PPIL4: variants seen among roughly 807,000 people sequenced by gnomAD.
The protein encoded by PPIL4 is peptidyl-prolyl cis-trans isomerase-like 4.
In PPIL4, 50 loss-of-function variants were observed where a neutral mutation model predicts 69.1. The observed-to-expected ratio is 0.72, with a 90% confidence interval of 0.58 to 0.92. The LOEUF is 0.92. PPIL4 is among the 40% of genes least tolerant of loss of function. PPIL4 has a pLI of 0.00. For synonymous variants in PPIL4, 193 were observed against 191.6 expected, an observed-to-expected ratio of 1.01 and a Z score of -0.06; for missense variants, 480 against 587.9, an observed-to-expected ratio of 0.82 and a Z score of 1.90.
Position 149,546,009 on chromosome 6 carries a change from G to C in PPIL4, c.-4C>G. 1 of 1,573,508 alleles carries C rather than the reference G, an allele frequency of 6.4e-7. No homozygotes were observed. Among genetic ancestry groups the C allele is most frequent in the Non-Finnish European group, 8.6e-7 (1 of 1,157,338 alleles). On this transcript the variant is annotated 5_prime_UTR_variant, in exon 1 of 13. Transcript: ENST00000253329. ...TGGTCTCCAGTAGAACCGCCATGGC[G>C]CCCGCTCCTCCTCCGCTACAAACCC...
At chr6:149,511,321 A>G (rs1188315330) in intron 12 of PPIL4, among the ~76,000 whole-genome samples, 2 of 151,574 alleles carry the variant, frequency 1.3e-5, no homozygotes, top group East Asian at 1.9e-4. Flanking sequence ...TGCAGCCTCT[A>G]CCTCCTGGGC....
At chr6:149,535,279 C>A (rs2115038209) in intron 5 of PPIL4, among the ~76,000 whole-genome samples, 1 of 152,232 alleles carries the variant, frequency 6.6e-6, no homozygotes, top group East Asian at 1.9e-4. Context: ...TGGTGTGAAC[C>A]CGGGAGACAG....
Position 149,512,003 on chromosome 6 carries a change from C to A in PPIL4, c.1227+152G>T, listed in dbSNP as rs1419241837. 5 of 530,078 alleles carry A rather than the reference C, an allele frequency of 9.4e-6. No homozygotes were observed. The Admixed American group carries it at 9.8e-5, about 10-fold the overall frequency. The allele number at this position is 530,078 out of a possible 1,614,324, so 32.8% of individuals were successfully genotyped here. On this transcript the variant is annotated intron_variant, in intron 12 of 12. Coordinates refer to ENST00000253329, the MANE Select transcript of PPIL4 (RefSeq NM_139126.4). ...GATAAATATTTTTGAAAATTAAAATCCCATACCCCAGTGCAACCATTCTGC... is the reference window on the plus strand; with the variant it reads ...GATAAATATTTTTGAAAATTAAAATACCATACCCCAGTGCAACCATTCTGC...
At chr6:149,545,331 T>C (rs1777422739) in intron 1 of PPIL4, among the ~76,000 whole-genome samples, 1 of 152,192 alleles carries the variant, frequency 6.6e-6, no homozygotes, top group Non-Finnish European at 1.5e-5. Flanking sequence ...AACTTACACA[T>C]TCTTCTACCA....
At chr6:149,506,967 C>T (rs1181760849) in intron 12 of PPIL4, among the ~76,000 whole-genome samples, 2 of 152,072 alleles carry the variant, frequency 1.3e-5, no homozygotes, top group Non-Finnish European at 2.9e-5. Flanking sequence ...AATCCTTTGC[C>T]CCAAAGATAA....
At chr6:149,530,473 A>G (rs957620249) in intron 7 of PPIL4, among the ~76,000 whole-genome samples, 1 of 152,002 alleles carries the variant, frequency 6.6e-6, no homozygotes, top group Admixed American at 6.6e-5. Context: ...AGCCTGACCA[A>G]CATGGTGAAA....
In PPIL4 at chr6:149,533,527, T is replaced by C; in HGVS notation, c.609A>G (p.Arg203=). ...TTATTTCTTCTACTTCCTCAGCTGA[T>C]CTTCCTTTGAAATCATCAATTTCTT... ...ADEEIDDFKG[R]SAEEVEEIKA... is the part of the protein sequence containing the mutation. Residue 203 remains arginine, a synonymous_variant, in exon 7 of 13, where the codon AGA becomes AGG. Transcript: ENST00000253329. 1 of 1,612,974 alleles carries C rather than the reference T, an allele frequency of 6.2e-7. No individual in the cohort carries two copies. Among genetic ancestry groups the C allele is most frequent in the Non-Finnish European group, 8.5e-7 (1 of 1,179,258 alleles).
At chr6:149,537,142 G>T (rs1028603198) in intron 4 of PPIL4, among the ~76,000 whole-genome samples, 1 of 147,738 alleles carries the variant, frequency 6.8e-6, no homozygotes, top group Non-Finnish European at 1.5e-5. Flanking sequence ...AAAAAAAAAA[G>T]AAGCTGCAGC....
At chr6:149,542,100 A>C (rs1232524649) in intron 1 of PPIL4, among the ~76,000 whole-genome samples, 1 of 152,006 alleles carries the variant, frequency 6.6e-6, no homozygotes, top group Non-Finnish European at 1.5e-5. Flanking sequence ...CTTTAATAGG[A>C]GTTTTGGGGC....
chr6:149,544,528 A>C (rs1263171309), intron 1 of PPIL4, among the ~76,000 whole-genome samples: 1 of 152,218 alleles, frequency 6.6e-6, no homozygotes, highest in Non-Finnish European at 1.5e-5. Context: ...GCACGCTTGT[A>C]AACAACACCA....
chr6:149,527,306 T>C (rs1259921816), intron 7 of PPIL4, among the ~76,000 whole-genome samples: 1 of 152,158 alleles, frequency 6.6e-6, no homozygotes, highest in Non-Finnish European at 1.5e-5. Flanking sequence ...TGCAGTGAGC[T>C]ACGCCACTTC....
intron 12 of PPIL4, among the ~76,000 whole-genome samples, chr6:149,511,373 G>A (rs571711290): frequency 6.6e-6 from 1 of 152,044 alleles, no homozygotes; most frequent in East Asian, 1.9e-4. Context: ...GAGACCATAG[G>A]TGCACACCAC....
intron 12 of PPIL4, among the ~76,000 whole-genome samples, chr6:149,506,620 AG>A (rs1448323030): frequency 6.6e-6 from 1 of 152,140 alleles, no homozygotes; most frequent in Non-Finnish European, 1.5e-5. Context: ...TTTTGAGACA[AG>A]GTCTTGCTGT....
At chr6:149,531,045 A>T (rs1322264334) in intron 7 of PPIL4, among the ~76,000 whole-genome samples, 1 of 152,154 alleles carries the variant, frequency 6.6e-6, no homozygotes, top group Admixed American at 6.5e-5. Context: ...AATCATGAGG[A>T]AAGAGTAGAT....
intron 12 of PPIL4, among the ~76,000 whole-genome samples, chr6:149,508,289 G>A (rs1377867880): frequency 1.3e-5 from 2 of 152,138 alleles, no homozygotes; most frequent in South Asian, 4.1e-4. Context: ...AAGGGCCTGT[G>A]GGATCAGTAT....
chr6:149,540,483 C>T (rs1777342518), intron 4 of PPIL4, among the ~76,000 whole-genome samples: 1 of 152,018 alleles, frequency 6.6e-6, no homozygotes, highest in Admixed American at 6.5e-5. Flanking sequence ...GGTGTTGTGG[C>T]AGGCGCATGT....
At chr6:149,537,719 GAAT>G (rs1000446045) in intron 4 of PPIL4, among the ~76,000 whole-genome samples, 2 of 142,916 alleles carry the variant, frequency 1.4e-5, no homozygotes, top group Non-Finnish European at 3.0e-5. Flanking sequence ...AAAAAAAAAA[GAAT>G]GATGCTAAAT....
chr6:149,545,382 C>A (rs562056793), intron 1 of PPIL4, among the ~76,000 whole-genome samples: 1 of 152,124 alleles, frequency 6.6e-6, no homozygotes, highest in South Asian at 2.1e-4. Context: ...TGTCTACTTC[C>A]CCCAGTGGAA....
intron 12 of PPIL4, among the ~76,000 whole-genome samples, chr6:149,506,436 C>T (rs1776772485): frequency 6.6e-6 from 1 of 152,230 alleles, no homozygotes; most frequent in Non-Finnish European, 1.5e-5. Flanking sequence ...TGCCCCACTG[C>T]ACTCCAGCCT....
Sources: allele counts gnomAD v4.1 joint callset (sites outside exome capture counted in the v4.1 genomes callset), GRCh38; gene constraint gnomAD v4.1.1; transcripts MANE v1.5; gene names NCBI Gene and HGNC (gene_info 2026-07-23, HGNC 2026-07-21).